CIMIP3: variants seen among roughly 807,000 people sequenced by gnomAD.
The protein encoded by CIMIP3 is GUCA1A neighbor.
chr6:42,162,542 G>A, the CIMIP3 span, among the ~76,000 whole-genome samples: 3 of 151,108 alleles, frequency 2.0e-5, no homozygotes, highest in Admixed American at 1.3e-4. Flanking sequence ...GAGGTCGAAG[G>A]CCTGACGGAG....
the CIMIP3 span, among the ~76,000 whole-genome samples, chr6:42,158,640 T>A: frequency 3.3e-5 from 5 of 152,232 alleles, no homozygotes; most frequent in Non-Finnish European, 5.9e-5. Context: ...TTCTACAAAC[T>A]GTGAACTCAG....
chr6:42,161,775 C>G, the CIMIP3 span, among the ~76,000 whole-genome samples: 1 of 152,092 alleles, frequency 6.6e-6, no homozygotes, highest in African/African-American at 2.4e-5. Context: ...TACTAGAATT[C>G]AGTTCAATTG....
At chr6:42,163,081 T>C in the CIMIP3 span, 2 of 716,566 alleles carry the variant, frequency 2.8e-6, no homozygotes, top group Non-Finnish European at 5.2e-6. Flanking sequence ...AGGGGCAGAA[T>C]CCGGACAAGC....
the CIMIP3 span, among the ~76,000 whole-genome samples, chr6:42,160,684 C>T: frequency 6.6e-6 from 1 of 152,196 alleles, no homozygotes; most frequent in African/African-American, 2.4e-5. Context: ...CAGAAGAGGA[C>T]AAGATGGGAC....
chr6:42,163,111 C>A, the CIMIP3 span: 1 of 710,718 alleles, frequency 1.4e-6, no homozygotes, highest in Non-Finnish European at 2.6e-6. Flanking sequence ...ATTTCTACAC[C>A]TCCCAGTACT....
At chr6:42,159,902 C>T in the CIMIP3 span, among the ~76,000 whole-genome samples, 2 of 152,224 alleles carry the variant, frequency 1.3e-5, no homozygotes, top group Non-Finnish European at 2.9e-5. Context: ...AATAGTAACA[C>T]CTTCCTCAAA....
At chr6:42,156,253 C>T in the CIMIP3 span, among the ~76,000 whole-genome samples, 3 of 152,012 alleles carry the variant, frequency 2.0e-5, no homozygotes, top group Non-Finnish European at 4.4e-5. Flanking sequence ...GCCTCGGCCT[C>T]CCAAAGTGCT....
chr6:42,162,275 G>A, the CIMIP3 span, among the ~76,000 whole-genome samples: 22 of 150,476 alleles, frequency 1.5e-4, no homozygotes, highest in South Asian at 6.4e-4. Flanking sequence ...TTAGCCGGGC[G>A]TGGTGGCGGG....
chr6:42,161,056 C>T, the CIMIP3 span, among the ~76,000 whole-genome samples: 4 of 152,056 alleles, frequency 2.6e-5, no homozygotes, highest in South Asian at 4.1e-4. Context: ...GGTGTGGTGG[C>T]GCATGCCTGT....
At chr6:42,163,289 C>G in the CIMIP3 span, 1 of 507,870 alleles carries the variant, frequency 2.0e-6, no homozygotes, top group Non-Finnish European at 3.6e-6. Context: ...TCACCCTCAC[C>G]CCTGTGACCT....
At chr6:42,158,275 C>A in the CIMIP3 span, among the ~76,000 whole-genome samples, 1 of 152,220 alleles carries the variant, frequency 6.6e-6, no homozygotes, top group Non-Finnish European at 1.5e-5. Context: ...GTGTCCTCAG[C>A]CCTCTGAGGT....
At chr6:42,163,090 G>A in the CIMIP3 span, 4 of 715,598 alleles carry the variant, frequency 5.6e-6, no homozygotes, top group Non-Finnish European at 2.6e-6. Flanking sequence ...ATCCGGACAA[G>A]CTCAGGTTCA....
At chr6:42,157,941 G>T in the CIMIP3 span, among the ~76,000 whole-genome samples, 1 of 152,186 alleles carries the variant, frequency 6.6e-6, no homozygotes, top group African/African-American at 2.4e-5. Flanking sequence ...TCTTTGTTGC[G>T]GGGGCTGTCC....
chr6:42,162,281 G>A, the CIMIP3 span, among the ~76,000 whole-genome samples: 3 of 150,192 alleles, frequency 2.0e-5, no homozygotes, highest in South Asian at 2.2e-4. Context: ...GGGCGTGGTG[G>A]CGGGTGCCTG....
At chr6:42,160,991 C>T in the CIMIP3 span, among the ~76,000 whole-genome samples, 1 of 152,038 alleles carries the variant, frequency 6.6e-6, no homozygotes, top group Non-Finnish European at 1.5e-5. Context: ...GAGTTTGAGA[C>T]CATCCTGACA....
At chr6:42,161,687 A>G in the CIMIP3 span, among the ~76,000 whole-genome samples, 9 of 152,296 alleles carry the variant, frequency 5.9e-5, no homozygotes, top group South Asian at 1.2e-3. Flanking sequence ...ATGGGTGAGT[A>G]GGAGACACAT....
At chr6:42,162,090 CTTTTTTTTTTTTTTTTTT>C in the CIMIP3 span, among the ~76,000 whole-genome samples, 15 of 63,090 alleles carry the variant, frequency 2.4e-4, no homozygotes, top group African/African-American at 8.7e-4. Context: ...AAGCCACATT[CTTTTTTTTTTTTTTTTTT>C]TTTTTTTTTT....
At chr6:42,157,465 G>T in the CIMIP3 span, among the ~76,000 whole-genome samples, 1 of 152,150 alleles carries the variant, frequency 6.6e-6, no homozygotes, top group African/African-American at 2.4e-5. Context: ...GCCAAGGCTG[G>T]TCTCAAACTC....
chr6:42,162,090 C>CTTT, the CIMIP3 span, among the ~76,000 whole-genome samples: 155 of 63,076 alleles, frequency 2.5e-3, 12 homozygotes, highest in African/African-American at 5.6e-3. Flanking sequence ...AAGCCACATT[C>CTTT]TTTTTTTTTT....
Sources: allele counts gnomAD v4.1 joint callset (sites outside exome capture counted in the v4.1 genomes callset), GRCh38; gene constraint gnomAD v4.1.1; transcripts MANE v1.5; gene names NCBI Gene and HGNC (gene_info 2026-07-23, HGNC 2026-07-21).